The following SMOX variants were observed in gnomAD, a reference collection of about 807,000 sequenced individuals.
SMOX encodes the protein flavin containing amine oxidase.
In SMOX, 22 loss-of-function variants were observed where a neutral mutation model predicts 51.0. That is an observed-to-expected ratio of 0.43 (90% CI 0.31 to 0.62). SMOX has a LOEUF of 0.62. SMOX is among the 20% of genes least tolerant of loss of function. The pLI is 0.10. For missense variants in SMOX, 566 were observed against 777.7 expected (o/e 0.73, Z 3.24); for synonymous variants, 282 against 307.8 (o/e 0.92, Z 0.88).
chr20:4,149,296 C>G lies in SMOX; in HGVS notation c.-27+319C>G, dbSNP rs1175712497. Among the ~76,000 whole-genome samples, 2 of 150,942 alleles carry G rather than the reference C, an allele frequency of 1.3e-5. No individual in the cohort carries two copies. The highest frequency in any genetic ancestry group is 1.5e-5 in the Non-Finnish European group (1 of 67,580). On this transcript the variant is annotated intron_variant, in intron 1 of 6. Coordinates refer to ENST00000305958, the MANE Select transcript of SMOX (RefSeq NM_175839.3). This position sits in a 1 kb window ranked among gnomAD's most constrained non-coding sequence, Gnocchi z 6.0. The stretch of plus-strand genomic sequence containing the variant: ...CGGGCGCCGGGGGTAGAGGGCCGGA[C>G]GGACCCCCGGGCTACGTGCGGGAGG...
chr20:4,150,608 A>C (rs965447171), intron 1 of SMOX, among the ~76,000 whole-genome samples: 2 of 152,168 alleles, frequency 1.3e-5, no homozygotes, highest in African/African-American at 4.8e-5. Flanking sequence ...GATTTTAAAA[A>C]TCAAGCATCA....
Position 4,187,104 on chromosome 20 carries a change from C to T in SMOX, c.1531-166C>T, listed in dbSNP as rs977198836. Among the ~76,000 whole-genome samples, 1 of 152,172 alleles carries T rather than the reference C, an allele frequency of 6.6e-6. No homozygotes were observed. The highest frequency in any genetic ancestry group is 2.4e-5 in the African/African-American group (1 of 41,446). ...CAAGGGAAGAAGCAGGGGAAAGTGG[C>T]CAGATAGGATGGGCAGCTCTTCATC... On this transcript the variant is annotated intron_variant, in intron 6 of 6. Transcript: ENST00000305958. The surrounding 1 kb of genome is among the most constrained non-coding windows in gnomAD (Gnocchi z 4.8).
rs1048307753 is a variant in SMOX at position 4,181,116 on chromosome 20, G to A, written c.436-687G>A. On this transcript the variant is annotated intron_variant, in intron 3 of 6. Transcript: ENST00000305958. The surrounding 1 kb of genome is among the most constrained non-coding windows in gnomAD (Gnocchi z 5.6). ...GATCGTCGTTATCTGTTGATGAGGT[G>A]TGGGCTGGAGTTCTTGCTGAAACGT... 2.0e-4 allele frequency among the ~76,000 whole-genome samples: 30 copies of A among 152,162 alleles called. No individual in the cohort carries two copies. The highest frequency in any genetic ancestry group is 1.9e-3 in the Admixed American group (29 of 15,274).
Position 4,177,140 on chromosome 20 carries a change from A to T in SMOX, c.209-211A>T, listed in dbSNP as rs73893391. On this transcript the variant is annotated intron_variant, in intron 2 of 6. Transcript: ENST00000305958. This position sits in a 1 kb window ranked among gnomAD's most constrained non-coding sequence, Gnocchi z 4.3. ...CCACTCTGGGACAAATCACAGAGTC[A>T]TCCAAGGTGGCAGTTATCTTAGCTA... Among the ~76,000 whole-genome samples the T allele has an allele frequency of 0.013, 2,012 of 152,322 alleles. 41 individuals carry two copies. Among genetic ancestry groups the T allele is most frequent in the African/African-American group, 0.046 (1,902 of 41,550 alleles).
In SMOX at chr20:4,183,097, C is replaced by G; in HGVS notation, c.1369+249C>G. 1 of 605,346 alleles carries G rather than the reference C, an allele frequency of 1.7e-6. No individual in the cohort carries two copies. The highest frequency in any genetic ancestry group is 2.9e-6 in the Non-Finnish European group (1 of 348,928). 37.5% of individuals were successfully genotyped at this position (605,346 alleles called of 1,614,324 possible). A position where few individuals can be genotyped will look rare whatever the true frequency, so the allele number is the denominator to read the frequency against. On this transcript the variant is annotated intron_variant, in intron 5 of 6. Coordinates refer to ENST00000305958, the MANE Select transcript of SMOX (RefSeq NM_175839.3). The surrounding 1 kb of genome is among the most constrained non-coding windows in gnomAD (Gnocchi z 4.3). ...CTTTCTAAAGGCTGATGGTAAAACA[C>G]TCAGAGATCACCGCCCATTGTGCTC...
rs1230256253 is a variant in SMOX at position 4,187,551 on chromosome 20, G to A, written c.*144G>A. On this transcript the variant is annotated 3_prime_UTR_variant, in exon 7 of 7. Transcript: ENST00000305958. This position sits in a 1 kb window ranked among gnomAD's most constrained non-coding sequence, Gnocchi z 4.8. ...AGCCGCCCTGACTGCCTTCAGACCTGGCCCTGTAGCTTTTCTTTTTCTCCA... is the reference window on the plus strand; with the variant it reads ...AGCCGCCCTGACTGCCTTCAGACCTAGCCCTGTAGCTTTTCTTTTTCTCCA... The A allele has an allele frequency of 8.2e-7, 1 of 1,225,032 alleles. No homozygotes were observed. The highest frequency in any genetic ancestry group is 1.1e-6 in the Non-Finnish European group (1 of 896,318). The allele number at this position is 1,225,032 out of a possible 1,614,324, so 75.9% of individuals were successfully genotyped here.
chr20:4,159,640 T>C (rs961633080), intron 1 of SMOX, among the ~76,000 whole-genome samples: 3 of 152,170 alleles, frequency 2.0e-5, no homozygotes, highest in Non-Finnish European at 4.4e-5. Context: ...ACAATGATGA[T>C]AGGATTTTAA....
chr20:4,183,357 T>C lies in SMOX; in HGVS notation c.1370-137T>C, dbSNP rs1453178246. On this transcript the variant is annotated intron_variant, in intron 5 of 6. Coordinates refer to ENST00000305958, the MANE Select transcript of SMOX (RefSeq NM_175839.3). This position sits in a 1 kb window ranked among gnomAD's most constrained non-coding sequence, Gnocchi z 4.3. ...CCCAGCCTCCCTCCTTCCTCTTCTA[T>C]CCTCCGTGCCTACCCCTGGCAGTCT... The C allele has an allele frequency of 7.7e-7, 1 of 1,300,176 alleles. No homozygotes were observed. The highest frequency in any genetic ancestry group is 1.5e-5 in the African/African-American group (1 of 68,864). 80.5% of individuals were successfully genotyped at this position (1,300,176 alleles called of 1,614,324 possible). A position where few individuals can be genotyped will look rare whatever the true frequency, so the allele number is the denominator to read the frequency against.
At chr20:4,186,570 G>A (rs749862162) in intron 6 of SMOX, among the ~76,000 whole-genome samples, 14 of 152,106 alleles carry the variant, frequency 9.2e-5, no homozygotes, top group Non-Finnish European at 1.3e-4. Context: ...TTGCCTGTCC[G>A]TTCACTCAGC....
intron 6 of SMOX, among the ~76,000 whole-genome samples, chr20:4,184,470 T>A (rs1979588280): frequency 6.7e-6 from 1 of 150,088 alleles, no homozygotes; most frequent in Non-Finnish European, 1.5e-5. Flanking sequence ...TTTAGATTAC[T>A]GATGCTCCAC....
Position 4,172,345 on chromosome 20 carries a change from G to T in SMOX, c.-26-2685G>T, listed in dbSNP as rs1000980760. On this transcript the variant is annotated intron_variant, in intron 1 of 6. Coordinates refer to ENST00000305958, the MANE Select transcript of SMOX (RefSeq NM_175839.3). This position sits in a 1 kb window ranked among gnomAD's most constrained non-coding sequence, Gnocchi z 7.7. ...CGACCTGACGCAGCGTCCCGGCCCG[G>T]CTGGCAGACATCCGGCGGCATCGCC... Among the ~76,000 whole-genome samples, 8 of 152,206 alleles carry T rather than the reference G, an allele frequency of 5.3e-5. 1 individual carries two copies. In the South Asian group the frequency reaches 1.7e-3, roughly 31 times the overall value.
In SMOX at chr20:4,183,486, T is replaced by TC; in HGVS notation, c.1370-6dup. Reference sequence around the variant, plus strand: ...TCCCTCCTCTTGGCTTTTCTGACTCTCCATCAGGGAACCCCAACATTCCAA... The same window carrying TC: ...TCCCTCCTCTTGGCTTTTCTGACTCTCCCATCAGGGAACCCCAACATTCCAA... On this transcript the variant is annotated splice_region_variant and splice_polypyrimidine_tract_variant and intron_variant, in intron 5 of 6. Transcript: ENST00000305958. The surrounding 1 kb of genome is among the most constrained non-coding windows in gnomAD (Gnocchi z 4.3). 6.2e-7 allele frequency: 1 copy of TC among 1,614,154 alleles called. No homozygotes were observed. Among genetic ancestry groups the TC allele is most frequent in the East Asian group, 2.2e-5 (1 of 44,884 alleles).
At chr20:4,175,656 C>T (rs983314889) in intron 2 of SMOX, among the ~76,000 whole-genome samples, 2 of 152,016 alleles carry the variant, frequency 1.3e-5, no homozygotes, top group Non-Finnish European at 2.9e-5. Context: ...GAGAGCTAGC[C>T]CTGGAGCAGT....
chr20:4,185,973 C>T (rs1979701405), intron 6 of SMOX, among the ~76,000 whole-genome samples: 1 of 152,096 alleles, frequency 6.6e-6, no homozygotes, highest in African/African-American at 2.4e-5. Context: ...AAAAGAAATG[C>T]AGACTCTCAG....
intron 2 of SMOX, chr20:4,176,164 G>T (rs1396743577): frequency 6.6e-6 from 1 of 152,058 alleles, no homozygotes; most frequent in African/African-American, 2.4e-5. Context: ...GGGATTACAG[G>T]TGTGTGCCAC....
Position 4,182,164 on chromosome 20 carries a change from C to T in SMOX, c.685C>T (p.Pro229Ser). 1 of 1,613,274 alleles carries T rather than the reference C, an allele frequency of 6.2e-7. No homozygotes were observed. The highest frequency in any genetic ancestry group is 8.5e-7 in the Non-Finnish European group (1 of 1,179,902). Residue 229 changes from proline to serine, a missense_variant, in exon 5 of 7, where the codon CCC becomes TCC. By Grantham distance (74) the Pro-to-Ser change is moderately conservative (BLOSUM62 -1). This residue lies in a region of SMOX where 347 missense variants were observed against 481.8 expected (regional missense o/e 0.72). Transcript: ENST00000305958. This position sits in a 1 kb window ranked among gnomAD's most constrained non-coding sequence, Gnocchi z 8.4. ...LSAFGEWTEI[P>S]GAHHIIPSGF... ...CGCCTTCGGGGAGTGGACCGAGATC[C>T]CCGGCGCTCACCACATCATCCCCTC...
At position 4,154,582 on chromosome 20, in the gene SMOX, C is replaced by G. The variant is rs1043762160; in HGVS notation, c.-27+5605C>G. ...TTCACCATATTGGTCAGGCTGGTCT[C>G]GAACTCCTGGCTTCAAGTGACCCAC... On this transcript the variant is annotated intron_variant, in intron 1 of 6. Coordinates refer to ENST00000305958, the MANE Select transcript of SMOX (RefSeq NM_175839.3). 3.3e-5 allele frequency among the ~76,000 whole-genome samples: 5 copies of G among 152,230 alleles called. No homozygotes were observed. The Middle Eastern group carries it at 0.014, about 414-fold the overall frequency.
rs147307475 is a variant in SMOX, at chr20:4,149,928, C to T, written c.-27+951C>T. On this transcript the variant is annotated intron_variant, in intron 1 of 6. Transcript: ENST00000305958. This position sits in a 1 kb window ranked among gnomAD's most constrained non-coding sequence, Gnocchi z 6.0. ...GGTGCCATGCATCCGAAAGTGTGTG[C>T]AGTGAAGCCCCCACATTTGCATTCG... Among the ~76,000 whole-genome samples, 1 of 152,270 alleles carries T rather than the reference C, an allele frequency of 6.6e-6. No homozygotes were observed. Among genetic ancestry groups the T allele is most frequent in the Non-Finnish European group, 1.5e-5 (1 of 68,020 alleles).
Position 4,149,810 on chromosome 20 carries a change from G to GT in SMOX, c.-27+834dup, listed in dbSNP as rs2122344904. Among the ~76,000 whole-genome samples the GT allele has an allele frequency of 6.6e-6, 1 of 152,320 alleles. No homozygotes were observed. The highest frequency in any genetic ancestry group is 2.1e-4 in the South Asian group (1 of 4,828). ...AGGTTGTTTGCAGAACCTGCTGTTG[G>GT]TGGCACATCACGTACCAGTCTGTGG... On this transcript the variant is annotated intron_variant, in intron 1 of 6. Coordinates refer to ENST00000305958, the MANE Select transcript of SMOX (RefSeq NM_175839.3). The surrounding 1 kb of genome is among the most constrained non-coding windows in gnomAD (Gnocchi z 6.0).
Sources: gnomAD v4.1 joint callset for allele counts (sites outside exome capture counted in the v4.1 genomes callset) on GRCh38, gnomAD v4.1.1 for gene constraint, gnomAD v4.1.1 regional missense constraint, Gnocchi (gnomAD v3.1) non-coding constraint, MANE v1.5 for transcripts, NCBI Gene and HGNC (gene_info 2026-07-23, HGNC 2026-07-21) for gene names.